CAMTA1: variants seen among roughly 807,000 people sequenced by gnomAD.
CAMTA1 encodes calmodulin-binding transcription activator 1.
Under a neutral mutation model 170.9 loss-of-function variants are expected in CAMTA1, and 27 were observed. That is an observed-to-expected ratio of 0.16 (90% CI 0.12 to 0.22). The LOEUF (loss-of-function observed/expected upper bound fraction) is 0.22, where lower values mean the gene tolerates loss of function less well. Ranked by LOEUF, CAMTA1 falls within the 10% of genes least tolerant of loss-of-function variation. The pLI is 1.00. For synonymous variants in CAMTA1, 833 were observed against 891.5 expected, an observed-to-expected ratio of 0.93 and a Z score of 1.17; for missense variants, 1,619 against 2,217.2, an observed-to-expected ratio of 0.73 and a Z score of 5.42.
chr1:7,398,806 C>T (rs1002125633), intron 5 of CAMTA1, among the ~76,000 whole-genome samples: 3 of 151,782 alleles, frequency 2.0e-5, no homozygotes, highest in Non-Finnish European at 4.4e-5. Context: ...TGTGTATCTG[C>T]TATAGTTTTT....
chr1:7,244,041 C>A (rs1402930954), intron 4 of CAMTA1, among the ~76,000 whole-genome samples: 5 of 152,066 alleles, frequency 3.3e-5, no homozygotes, highest in African/African-American at 1.2e-4. Context: ...AACAAATTTA[C>A]AAGAAAAAAA....
chr1:7,161,123 T>C (rs1647187731), intron 4 of CAMTA1, among the ~76,000 whole-genome samples: 1 of 152,240 alleles, frequency 6.6e-6, no homozygotes, highest in South Asian at 2.1e-4. Context: ...TAAAACCTTT[T>C]AGTGCCTTTC....
At chr1:7,523,448 T>C (rs888069852) in intron 6 of CAMTA1, among the ~76,000 whole-genome samples, 2 of 152,236 alleles carry the variant, frequency 1.3e-5, no homozygotes, top group Non-Finnish European at 2.9e-5. Flanking sequence ...AATTGACATC[T>C]TCACTAGGTT....
chr1:7,543,251 G>T (rs2094640009), intron 6 of CAMTA1, among the ~76,000 whole-genome samples: 2 of 152,086 alleles, frequency 1.3e-5, no homozygotes, highest in African/African-American at 4.8e-5. Flanking sequence ...CATCTGTGAT[G>T]CTTCCGGTGT....
chr1:6,964,746 TG>T (rs1691213414), intron 3 of CAMTA1, among the ~76,000 whole-genome samples: 1 of 152,242 alleles, frequency 6.6e-6, no homozygotes, highest in South Asian at 2.1e-4. Context: ...GAGGAGTGGC[TG>T]GATTCTCCAA....
chr1:7,045,533 T>C (rs1705239660), intron 3 of CAMTA1, among the ~76,000 whole-genome samples: 1 of 152,212 alleles, frequency 6.6e-6, no homozygotes, highest in Admixed American at 6.5e-5. Context: ...TATATCTACA[T>C]TTGAAAGATT....
chr1:7,228,474 C>T (rs6689574), intron 4 of CAMTA1, among the ~76,000 whole-genome samples: 17,038 of 152,156 alleles, frequency 0.11, 1,255 homozygotes, highest in Middle Eastern at 0.19. Flanking sequence ...GCTCTCACTG[C>T]GGTTCCAGCA....
intron 4 of CAMTA1, among the ~76,000 whole-genome samples, chr1:7,096,692 AT>A (rs1219389807): frequency 6.6e-6 from 1 of 151,980 alleles, no homozygotes; most frequent in African/African-American, 2.4e-5. Context: ...TCATTTTCGT[AT>A]GTTTTCCCCC....
At chr1:7,290,458 A>C (rs1243261563) in intron 5 of CAMTA1, among the ~76,000 whole-genome samples, 1 of 152,208 alleles carries the variant, frequency 6.6e-6, no homozygotes, top group Non-Finnish European at 1.5e-5. Flanking sequence ...CCACCTGGGC[A>C]GGGGACACCT....
chr1:7,728,272 G>A (rs1226108804), intron 11 of CAMTA1, among the ~76,000 whole-genome samples: 2 of 152,258 alleles, frequency 1.3e-5, no homozygotes, highest in Non-Finnish European at 2.9e-5. Flanking sequence ...TGTTTCTGCA[G>A]TGCCCGTGCT....
intron 3 of CAMTA1, among the ~76,000 whole-genome samples, chr1:6,926,055 C>T (rs919284108): frequency 7.2e-5 from 11 of 152,254 alleles, no homozygotes; most frequent in Non-Finnish European, 1.5e-4. Flanking sequence ...AGGCGCTGTT[C>T]CTCCCTGTGT....
chr1:7,442,216 C>T (rs2092560686), intron 5 of CAMTA1, among the ~76,000 whole-genome samples: 1 of 152,170 alleles, frequency 6.6e-6, no homozygotes, highest in Admixed American at 6.5e-5. Flanking sequence ...AATCAAATTT[C>T]CTGTGATGAG....
At chr1:7,330,616 T>C (rs1285852654) in intron 5 of CAMTA1, among the ~76,000 whole-genome samples, 1 of 152,086 alleles carries the variant, frequency 6.6e-6, no homozygotes, top group Non-Finnish European at 1.5e-5. Context: ...TTGACCCCAG[T>C]CTCGGATATC....
intron 6 of CAMTA1, among the ~76,000 whole-genome samples, chr1:7,496,067 C>T (rs1051918526): frequency 2.6e-5 from 4 of 152,132 alleles, no homozygotes; most frequent in African/African-American, 4.8e-5. Flanking sequence ...CCCAGGGAGC[C>T]GGAGGGGAGC....
chr1:6,922,663 C>T (rs1046442753), intron 3 of CAMTA1, among the ~76,000 whole-genome samples: 26 of 152,260 alleles, frequency 1.7e-4, no homozygotes, highest in East Asian at 3.9e-4. Context: ...GAAAGTCACA[C>T]GGCATCCCTC....
At chr1:7,006,759 G>C (rs1699057446) in intron 3 of CAMTA1, among the ~76,000 whole-genome samples, 1 of 152,136 alleles carries the variant, frequency 6.6e-6, no homozygotes, top group African/African-American at 2.4e-5. Flanking sequence ...CTGAGGGCTG[G>C]AGCCTCTCTC....
intron 4 of CAMTA1, among the ~76,000 whole-genome samples, chr1:7,145,190 C>T (rs1024308563): frequency 3.3e-5 from 5 of 152,258 alleles, no homozygotes; most frequent in African/African-American, 9.6e-5. Context: ...GTGGAGATGC[C>T]GCCTCTGAGC....
intron 7 of CAMTA1, among the ~76,000 whole-genome samples, chr1:7,655,285 C>CACACAA (rs1553235780): frequency 0.63 from 84,385 of 133,580 alleles, 25,443 homozygotes; most frequent in East Asian, 0.89. Context: ...CACCGTTATA[C>CACACAA]ACACACACAC....
chr1:7,558,772 C>T (rs1396945868), intron 6 of CAMTA1, among the ~76,000 whole-genome samples: 1 of 152,242 alleles, frequency 6.6e-6, no homozygotes, highest in South Asian at 2.1e-4. Context: ...CACTCGCCTG[C>T]CGAGGCTGTC....
Sources: gnomAD v4.1 joint callset for allele counts (sites outside exome capture counted in the v4.1 genomes callset) on GRCh38, gnomAD v4.1.1 for gene constraint, MANE v1.5 for transcripts, NCBI Gene and HGNC (gene_info 2026-07-23, HGNC 2026-07-21) for gene names.